The following CRTAC1 variants were observed in gnomAD, a reference collection of about 807,000 sequenced individuals.
CRTAC1 encodes the protein cartilage acidic protein 1.
Under a neutral mutation model 67.8 loss-of-function variants are expected in CRTAC1, and 37 were observed. That is an observed-to-expected ratio of 0.55 (90% confidence interval 0.42 to 0.72). CRTAC1 has a LOEUF of 0.72. Ranked by LOEUF, CRTAC1 falls within the 30% of genes least tolerant of loss-of-function variation. The pLI is 0.00. For synonymous variants in CRTAC1, 348 were observed against 371.0 expected, an observed-to-expected ratio of 0.94 and a Z score of 0.71; for missense variants, 780 against 931.6, an observed-to-expected ratio of 0.84 and a Z score of 2.12.
chr10:97,873,883 C>T (rs759933963), intron 14 of CRTAC1, among the ~76,000 whole-genome samples: 4 of 152,202 alleles, frequency 2.6e-5, no homozygotes, highest in African/African-American at 4.8e-5. Context: ...TCTCTGCACT[C>T]GGGACCCCCA....
intron 2 of CRTAC1, among the ~76,000 whole-genome samples, chr10:98,000,355 A>G (rs2136682890): frequency 6.6e-6 from 1 of 152,278 alleles, no homozygotes; most frequent in South Asian, 2.1e-4. Context: ...CTAAGCTTCT[A>G]GGTGCCACCA....
At chr10:98,019,689 G>A (rs1167418655) in intron 1 of CRTAC1, among the ~76,000 whole-genome samples, 2 of 152,200 alleles carry the variant, frequency 1.3e-5, no homozygotes, top group Non-Finnish European at 2.9e-5. Flanking sequence ...CTCCCTGCAA[G>A]GGCCACTCTG....
chr10:97,897,817 T>C (rs2050482863), intron 8 of CRTAC1, among the ~76,000 whole-genome samples: 1 of 152,188 alleles, frequency 6.6e-6, no homozygotes, highest in Non-Finnish European at 1.5e-5. Context: ...GCCCTAGATG[T>C]GTGGGGCAAT....
intron 14 of CRTAC1, among the ~76,000 whole-genome samples, chr10:97,874,251 T>C (rs2050122470): frequency 6.6e-6 from 1 of 152,228 alleles, no homozygotes. Context: ...CAGGTGTTCC[T>C]GGATTTAAAG....
intron 2 of CRTAC1, among the ~76,000 whole-genome samples, chr10:98,000,309 G>A (rs1842665082): frequency 6.6e-6 from 1 of 152,178 alleles, no homozygotes; most frequent in Non-Finnish European, 1.5e-5. Context: ...CCACGGCTGT[G>A]ACTCCCTCTT....
chr10:97,917,664 A>G lies in CRTAC1; in HGVS notation c.559-8T>C. ...AGAGTAGCGTCCAGAGCCCTGAGGA[A>G]GAAGGGAAGGGAGAGGTGAGCAGGG... On this transcript the variant is annotated splice_region_variant and splice_polypyrimidine_tract_variant and intron_variant, in intron 4 of 14. Coordinates refer to ENST00000370597, the MANE Select transcript of CRTAC1 (RefSeq NM_018058.7). The G allele has an allele frequency of 6.5e-7, 1 of 1,537,460 alleles. No homozygotes were observed. The highest frequency in any genetic ancestry group is 8.8e-7 in the Non-Finnish European group (1 of 1,131,616).
At chr10:97,952,647 C>T (rs1209808539) in intron 2 of CRTAC1, among the ~76,000 whole-genome samples, 3 of 152,012 alleles carry the variant, frequency 2.0e-5, no homozygotes, top group Non-Finnish European at 2.9e-5. Flanking sequence ...CAAACAAACC[C>T]CAGGTGGTTT....
At position 97,881,327 on chromosome 10, in the gene CRTAC1, CT is replaced by C. The variant is rs528712319; in HGVS notation, c.1676-936del. On this transcript the variant is annotated intron_variant, in intron 13 of 14. Coordinates refer to ENST00000370597, the MANE Select transcript of CRTAC1 (RefSeq NM_018058.7). ...TTTCACTCCTGCCCTTCCCTCAACT[CT>C]TTCTGGGCCTAGATCCTTCTCATCC... Among the ~76,000 whole-genome samples the C allele has an allele frequency of 6.6e-5, 10 of 152,338 alleles. No individual in the cohort carries two copies. The South Asian group carries it at 1.7e-3, about 25-fold the overall frequency.
At chr10:97,866,705 CGT>C (rs1292223288) in intron 14 of CRTAC1, 2 of 152,182 alleles carry the variant, frequency 1.3e-5, no homozygotes, top group Non-Finnish European at 2.9e-5. Context: ...TGTGCACACA[CGT>C]GTGCACAAAT....
chr10:97,897,745 G>T (rs116471857), intron 8 of CRTAC1, among the ~76,000 whole-genome samples: 1 of 152,222 alleles, frequency 6.6e-6, no homozygotes, highest in East Asian at 1.9e-4. Flanking sequence ...AGCTGATGAT[G>T]GCAGTGAGCT....
intron 14 of CRTAC1, among the ~76,000 whole-genome samples, chr10:97,874,171 A>G (rs888046957): frequency 6.6e-6 from 1 of 152,182 alleles, no homozygotes; most frequent in Non-Finnish European, 1.5e-5. Context: ...ATGCCTTGGG[A>G]AAGTTGCAGC....
chr10:97,882,167 C>A (rs1297929837), intron 13 of CRTAC1, among the ~76,000 whole-genome samples: 1 of 152,174 alleles, frequency 6.6e-6, no homozygotes, highest in Non-Finnish European at 1.5e-5. Context: ...TGGCCTGACC[C>A]CTCCTTGCTG....
rs546350822 is a variant in CRTAC1 at position 97,905,074 on chromosome 10, G to C, written c.851-260C>G. On this transcript the variant is annotated intron_variant, in intron 6 of 14. Coordinates refer to ENST00000370597, the MANE Select transcript of CRTAC1 (RefSeq NM_018058.7). ...CATGCATATTATTTTTACCCTGTTT[G>C]GGGGGTGGCATGGGTTGGGGGAGGG... Among the ~76,000 whole-genome samples the C allele has an allele frequency of 4.3e-4, 65 of 152,200 alleles. 1 individual carries two copies. The South Asian group carries it at 0.013, about 30-fold the overall frequency.
At chr10:97,912,858 G>T (rs952272059) in intron 5 of CRTAC1, among the ~76,000 whole-genome samples, 2 of 152,188 alleles carry the variant, frequency 1.3e-5, no homozygotes, top group Non-Finnish European at 2.9e-5. Flanking sequence ...AGCTTACTTT[G>T]CAATGAATGC....
At chr10:97,971,508 A>G (rs1031134433) in intron 2 of CRTAC1, among the ~76,000 whole-genome samples, 5 of 152,158 alleles carry the variant, frequency 3.3e-5, no homozygotes, top group Admixed American at 2.6e-4. Flanking sequence ...GCGCGAGGAG[A>G]GAATGGGGAG....
chr10:98,011,303 C>A lies in CRTAC1; in HGVS notation c.59G>T (p.Trp20Leu). 6.2e-7 allele frequency: 1 copy of A among 1,614,116 alleles called. No homozygotes were observed. Residue 20 changes from tryptophan to leucine, a missense_variant, in exon 2 of 15, where the codon TGG becomes TTG. Transcript: ENST00000370597. ...GGACCCCTCAGTGATGGGCAGAAAC[C>A]AGAGCAGCAGCAGGAACGGTAACAT... ...SRMLPFLLLL[W>L]FLPITEGSQR...
At chr10:97,922,111 G>T (rs12358607) in intron 4 of CRTAC1, among the ~76,000 whole-genome samples, 1 of 152,066 alleles carries the variant, frequency 6.6e-6, no homozygotes, top group Admixed American at 6.5e-5. Context: ...AGGCTGGGAA[G>T]AGGCCCCTAA....
chr10:97,885,311 G>A (rs1376449624), intron 11 of CRTAC1, among the ~76,000 whole-genome samples: 2 of 152,160 alleles, frequency 1.3e-5, no homozygotes, highest in Non-Finnish European at 2.9e-5. Flanking sequence ...GCCAGCCTGG[G>A]CAACATAGTG....
intron 2 of CRTAC1, among the ~76,000 whole-genome samples, chr10:97,943,087 A>C (rs1232568901): frequency 6.6e-6 from 1 of 152,066 alleles, no homozygotes; most frequent in Non-Finnish European, 1.5e-5. Flanking sequence ...AAAAAAAGTG[A>C]AAAGTGAAAA....
Sources: allele counts gnomAD v4.1 joint callset (sites outside exome capture counted in the v4.1 genomes callset), GRCh38; gene constraint gnomAD v4.1.1; transcripts MANE v1.5; gene names NCBI Gene and HGNC (gene_info 2026-07-23, HGNC 2026-07-21).